Variants in NOBOX observed in about 807,000 individuals in gnomAD.
NOBOX encodes the protein homeobox protein NOBOX.
NOBOX carries 46 observed loss-of-function variants against 60.2 expected under a neutral mutation model. The observed-to-expected ratio is 0.76, with a 90% CI of 0.60 to 0.98. NOBOX has a LOEUF of 0.98. Among genes scored for constraint, NOBOX ranks in the 50% least tolerant of loss-of-function variants. NOBOX has a pLI of 0.00. For missense variants in NOBOX, 880 were observed against 865.5 expected (o/e 1.02, Z -0.21); for synonymous variants, 360 against 346.3 (o/e 1.04, Z -0.44).
At chr7:144,397,222 C>A (rs1432886136), downstream of NOBOX, 1 of 1,514,770 alleles carries the variant, frequency 6.6e-7, no homozygotes, top group Non-Finnish European at 8.8e-7. Context: ...AGCCTCTTTT[C>A]ACTCTTTGAC....
Position 144,398,188 on chromosome 7 carries a change from A to G in NOBOX, c.1774+94T>C, listed in dbSNP as rs2053906834. On this transcript the variant is annotated intron_variant, in intron 9 of 9. Transcript: ENST00000467773. ...CAGAAGGATTCATTCACCACCCATG[A>G]CCTGCCTCAGTCTACCCTCCAGATA... The G allele has an allele frequency of 5.4e-6, 6 of 1,113,642 alleles. No homozygotes were observed. The South Asian group carries it at 8.0e-5, about 15-fold the overall frequency. 69.0% of individuals were successfully genotyped at this position (1,113,642 alleles called of 1,614,324 possible).
In NOBOX at chr7:144,398,637, C is replaced by T. The variant is rs11979528; in HGVS notation, c.1470-51G>A. ...GAGGTGCAGGGGTGGGGGAGCTCCCCGTTCCTACCACAGTAGCGGAGTCCC... is the reference window on the plus strand; with the variant it reads ...GAGGTGCAGGGGTGGGGGAGCTCCCTGTTCCTACCACAGTAGCGGAGTCCC... On this transcript the variant is annotated intron_variant, in intron 8 of 9. Coordinates refer to ENST00000467773, the MANE Select transcript of NOBOX (RefSeq NM_001080413.3). The T allele has an allele frequency of 0.4, 533,893 of 1,320,932 alleles. 114,342 individuals carry two copies. The highest frequency in any genetic ancestry group is 0.78 in the East Asian group (30,900 of 39,652). 81.8% of individuals were successfully genotyped at this position (1,320,932 alleles called of 1,614,324 possible). A position where few individuals can be genotyped will look rare whatever the true frequency, so the allele number is the denominator to read the frequency against.
chr7:144,410,143 C>T lies in NOBOX; in HGVS notation c.85G>A (p.Gly29Arg). 6.4e-7 allele frequency: 1 copy of T among 1,556,644 alleles called. No individual in the cohort carries two copies. ...TGTTGCTTCCAGGACATGAGCTCAC[C>T]CTCCTGGGCTTTGAAGCCATCCTTG... is the stretch of plus-strand genomic sequence containing the variant. The change falls in exon 1 of 10, where the codon GGG becomes AGG. Residue 29 changes from glycine (G) to arginine (R), a missense_variant and splice_region_variant. Gly to Arg is a moderately radical substitution (Grantham distance 125). Transcript: ENST00000467773.
chr7:144,400,458 T>C (rs2053929405), intron 4 of NOBOX, 146 bp from the exon 3 acceptor site: 1 of 682,240 alleles, frequency 1.5e-6, no homozygotes, highest in African/African-American at 1.8e-5. Context: ...CCTATTGGGC[T>C]GGGCCTTCTC....
At position 144,399,148 on chromosome 7, in the gene NOBOX, G is replaced by A; in HGVS notation, c.1271C>T (p.Thr424Ile). 6.4e-7 allele frequency: 1 copy of A among 1,570,960 alleles called. No homozygotes were observed. The highest frequency in any genetic ancestry group is 8.7e-7 in the Non-Finnish European group (1 of 1,149,080). Residue 424 changes from threonine to isoleucine, a missense_variant, in exon 8 of 10, where the codon ACT becomes ATT. Thr to Ile is a moderately conservative substitution (Grantham distance 89, BLOSUM62 -1). Coordinates refer to ENST00000467773, the MANE Select transcript of NOBOX (RefSeq NM_001080413.3). ...CTCACTGGGTTGGGTGGGGGCCAAA[G>A]TCTGGTCAGAAGTCAGCAGCATGGG...
chr7:144,401,559 C>T lies in NOBOX; in HGVS notation c.331G>A (p.Gly111Arg), dbSNP rs571490209. Residue 111 changes from glycine to arginine, a missense_variant, in exon 4 of 10, where the codon GGG becomes AGG. Physicochemically the swap from Gly to Arg is moderately radical, Grantham distance 125. Coordinates refer to ENST00000467773, the MANE Select transcript of NOBOX (RefSeq NM_001080413.3). This position sits in a 1 kb window ranked among gnomAD's most constrained non-coding sequence, Gnocchi z 4.2. ...GAGCCCCGGAGCAGTTCCTCCTCCC[C>T]GGGTCCTGCAGCCAGGGGCTTCTCT... 117 of 1,511,478 alleles carry T rather than the reference C, an allele frequency of 7.7e-5. No homozygotes were observed. The highest frequency in any genetic ancestry group is 3.6e-4 in the Middle Eastern group (2 of 5,594). The allele number at this position is 1,511,478 out of a possible 1,614,324, so 93.6% of individuals were successfully genotyped here.
intron 2 of NOBOX, among the ~76,000 whole-genome samples, chr7:144,402,535 G>A (rs1587093690): frequency 6.6e-6 from 1 of 152,184 alleles, no homozygotes; most frequent in African/African-American, 2.4e-5. Flanking sequence ...CGTACTCTGT[G>A]TACTTAATCA....
chr7:144,401,860 G>T lies in NOBOX; in HGVS notation c.292+9C>A. ...AGCTCATGGTATCTCCTAATTTGGG[G>T]GTACTCACCCCTTGTGAGTTCCCTT... On this transcript the variant is annotated intron_variant, in intron 3 of 9. Transcript: ENST00000467773. The surrounding 1 kb of genome is among the most constrained non-coding windows in gnomAD (Gnocchi z 4.2). The T allele has an allele frequency of 6.4e-7, 1 of 1,568,200 alleles. No homozygotes were observed. Among genetic ancestry groups the T allele is most frequent in the Non-Finnish European group, 8.8e-7 (1 of 1,140,278 alleles).
intron 1 of NOBOX, among the ~76,000 whole-genome samples, chr7:144,405,585 T>C (rs1466675029): frequency 1.3e-5 from 2 of 152,188 alleles, no homozygotes; most frequent in Non-Finnish European, 2.9e-5. Flanking sequence ...GCTTAAAACC[T>C]GACAGTGACC....
At chr7:144,400,413 C>G in intron 4 of NOBOX, 101 bp from the exon 3 acceptor site, 3 of 1,019,040 alleles carry the variant, frequency 2.9e-6, no homozygotes, top group Non-Finnish European at 4.4e-6. Context: ...GATGGGGCCA[C>G]TGCCCCTAAC....
chr7:144,403,116 C>G (rs1587094345), intron 2 of NOBOX, among the ~76,000 whole-genome samples: 1 of 152,132 alleles, frequency 6.6e-6, no homozygotes, highest in Non-Finnish European at 1.5e-5. Flanking sequence ...GGTGCTGTTC[C>G]AAGTCCTTTC....
In NOBOX at chr7:144,399,393, T is replaced by G. The variant is rs2053919988; in HGVS notation, c.1240+4A>C. ...TTCCCCCAGCTCTGAAGGTGGGAAC[T>G]CACCTGGAAAGGTATCCAGAGGGGA... is the stretch of plus-strand genomic sequence containing the variant. On this transcript the variant is annotated splice_donor_region_variant and intron_variant, in intron 7 of 9. Transcript: ENST00000467773. The G allele has an allele frequency of 6.4e-7, 1 of 1,568,958 alleles. No homozygotes were observed. Among genetic ancestry groups the G allele is most frequent in the South Asian group, 1.2e-5 (1 of 85,428 alleles).
chr7:144,408,766 C>T (rs907444171), intron 1 of NOBOX, among the ~76,000 whole-genome samples: 8 of 152,254 alleles, frequency 5.3e-5, no homozygotes, highest in Admixed American at 3.9e-4. Flanking sequence ...AAAAAGTTGA[C>T]CATTGCCAGG....
At chr7:144,409,619 A>G (rs151293973) in intron 1 of NOBOX, among the ~76,000 whole-genome samples, 6 of 152,370 alleles carry the variant, frequency 3.9e-5, no homozygotes, top group African/African-American at 1.4e-4. Flanking sequence ...CTGTTGGAGC[A>G]ATCTTTTGAA....
chr7:144,399,452 G>A lies in NOBOX; in HGVS notation c.1185C>T (p.Pro395=), dbSNP rs1252254782. 1.3e-6 allele frequency: 2 copies of A among 1,585,042 alleles called. No homozygotes were observed. Among genetic ancestry groups the A allele is most frequent in the African/African-American group, 1.3e-5 (1 of 74,432 alleles). ...GGAAAGGGTCAGGCTTTGGCTCCAT[G>A]GGCACAGCAGGTAGGATCTCAGCTG... The change falls in exon 7 of 10, where the codon CCC becomes CCT. Residue 395 remains proline (P), a synonymous_variant. Coordinates refer to ENST00000467773, the MANE Select transcript of NOBOX (RefSeq NM_001080413.3).
chr7:144,398,252 A>AGG (rs1051884987), intron 9 of NOBOX, 30 bp downstream of exon 7: 24 of 1,533,906 alleles, frequency 1.6e-5, no homozygotes, highest in Non-Finnish European at 1.1e-5. Flanking sequence ...CTCAATCTCA[A>AGG]GGGGACCTTC....
intron 2 of NOBOX, among the ~76,000 whole-genome samples, chr7:144,402,182 A>AC (rs1198255584): frequency 2.9e-5 from 2 of 69,502 alleles, no homozygotes; most frequent in African/African-American, 5.4e-5. Context: ...CCCCGCCCGC[A>AC]CCCCCCACCC....
At chr7:144,407,505 CAG>C (rs1309728483) in intron 1 of NOBOX, among the ~76,000 whole-genome samples, 1 of 152,198 alleles carries the variant, frequency 6.6e-6, no homozygotes, top group Non-Finnish European at 1.5e-5. Context: ...CTGTCCAAAG[CAG>C]AGAGAGCGAA....
At position 144,407,566 on chromosome 7, in the gene NOBOX, C is replaced by T. The variant is rs371261822; in HGVS notation, c.85+2577G>A. Among the ~76,000 whole-genome samples the T allele has an allele frequency of 3.1e-3, 468 of 152,290 alleles. 21 individuals carry two copies. In the South Asian group the frequency reaches 0.086, roughly 28 times the overall value. ...CTCAGGGACCGGCACTGCCAGAGCC[C>T]GGGCAAATGGCCAGATGATTGGATA... is the stretch of plus-strand genomic sequence containing the variant. On this transcript the variant is annotated intron_variant, in intron 1 of 9. Coordinates refer to ENST00000467773, the MANE Select transcript of NOBOX (RefSeq NM_001080413.3).
Sources: gnomAD v4.1 joint callset for allele counts (sites outside exome capture counted in the v4.1 genomes callset) on GRCh38, gnomAD v4.1.1 for gene constraint, Gnocchi (gnomAD v3.1) non-coding constraint, MANE v1.5 for transcripts, NCBI Gene and HGNC (gene_info 2026-07-23, HGNC 2026-07-21) for gene names.